The following SLC2A9 variants were observed in gnomAD, a reference collection of about 807,000 sequenced individuals.
The protein encoded by SLC2A9 is solute carrier family 2, facilitated glucose transporter member 9.
Under a neutral mutation model 50.6 loss-of-function variants are expected in SLC2A9, and 39 were observed. That is an observed-to-expected ratio of 0.77 (90% CI 0.60 to 1.01). SLC2A9 has a LOEUF of 1.01. Ranked by LOEUF, SLC2A9 falls within the 50% of genes least tolerant of loss-of-function variation. The pLI is 0.00. For missense variants in SLC2A9, 686 were observed against 677.6 expected (o/e 1.01, Z -0.14); for synonymous variants, 324 against 276.9 (o/e 1.17, Z -1.69).
At chr4:9,909,446 A>G (rs151194849) in intron 7 of SLC2A9, among the ~76,000 whole-genome samples, 9 of 152,318 alleles carry the variant, frequency 5.9e-5, no homozygotes, top group Admixed American at 1.3e-4. Flanking sequence ...GGTACCTGCC[A>G]CATGAGGTTA....
At chr4:9,973,174 C>T (rs1754195189) in intron 5 of SLC2A9, among the ~76,000 whole-genome samples, 1 of 152,128 alleles carries the variant, frequency 6.6e-6, no homozygotes, top group African/African-American at 2.4e-5. Flanking sequence ...CACTTCTAGG[C>T]ACACAAACTA....
At chr4:9,849,572 G>C (rs1422898274) in intron 10 of SLC2A9, among the ~76,000 whole-genome samples, 1 of 152,186 alleles carries the variant, frequency 6.6e-6, no homozygotes, top group Non-Finnish European at 1.5e-5. Context: ...CAATAGGCTT[G>C]AACATTACCA....
At chr4:10,032,073 A>T (rs530191678) in intron 1 of SLC2A9, among the ~76,000 whole-genome samples, 2 of 152,354 alleles carry the variant, frequency 1.3e-5, no homozygotes, top group East Asian at 3.9e-4. Context: ...TATTCTAGGC[A>T]TTATGGACCC....
chr4:9,944,190 C>T (rs960451381), intron 5 of SLC2A9, among the ~76,000 whole-genome samples: 6 of 152,094 alleles, frequency 3.9e-5, no homozygotes, highest in African/African-American at 1.4e-4. Context: ...CAGGGGATGC[C>T]GGAGATGTGG....
intron 10 of SLC2A9, among the ~76,000 whole-genome samples, chr4:9,866,124 G>A (rs1227883588): frequency 2.0e-5 from 3 of 152,256 alleles, no homozygotes; most frequent in South Asian, 2.1e-4. Flanking sequence ...TGCAGGGCCC[G>A]TTACTTATTC....
chr4:9,782,380 G>A (rs779592809), intron 3 of SLC2A9: 1 of 1,614,048 alleles, frequency 6.2e-7, no homozygotes, highest in East Asian at 2.2e-5. Context: ...ACGTCTGGGT[G>A]GCCTTCGACA....
chr4:9,851,540 C>T (rs748748889), intron 10 of SLC2A9, among the ~76,000 whole-genome samples: 5 of 152,156 alleles, frequency 3.3e-5, no homozygotes, highest in Non-Finnish European at 7.3e-5. Context: ...TCCAAATGAC[C>T]ACACTAATTC....
rs140995816 is a variant in SLC2A9, at chr4:9,791,333, A to G, written n.386-11268T>C. ...AGAGCTAATCCATGCCTGTTACACC[A>G]TTTAATGCTAGGTGTATGGAAGCAG... On this transcript the variant is annotated intron_variant and non_coding_transcript_variant, in intron 3 of 3. Transcript: ENST00000503803. Among the ~76,000 whole-genome samples the G allele has an allele frequency of 3.8e-3, 585 of 152,370 alleles. 1 individual carries two copies. Among genetic ancestry groups the G allele is most frequent in the Middle Eastern group, 0.014 (4 of 292 alleles).
At chr4:9,866,706 C>T (rs1732536089) in intron 10 of SLC2A9, among the ~76,000 whole-genome samples, 1 of 152,178 alleles carries the variant, frequency 6.6e-6, no homozygotes, top group Non-Finnish European at 1.5e-5. Flanking sequence ...AAAGCAGTGG[C>T]AGCCAGCACC....
At chr4:9,771,634 A>G (rs1716833237) in intron 1 of SLC2A9, among the ~76,000 whole-genome samples, 1 of 152,230 alleles carries the variant, frequency 6.6e-6, no homozygotes, top group Admixed American at 6.5e-5. Flanking sequence ...CTTCACCTTG[A>G]GTGGTTTGCA....
chr4:9,779,606 G>T (rs13143667), downstream of SLC2A9, among the ~76,000 whole-genome samples: 68,786 of 151,576 alleles, frequency 0.45, 19,497 homozygotes, highest in Non-Finnish European at 0.64. Flanking sequence ...AGTAGAGAGG[G>T]AGTTTCACCA....
chr4:10,037,096 T>A (rs1222411190), intron 1 of SLC2A9, among the ~76,000 whole-genome samples: 1 of 152,258 alleles, frequency 6.6e-6, no homozygotes, highest in Non-Finnish European at 1.5e-5. Context: ...TTCTTTTTAA[T>A]AGCCTTGTTG....
chr4:10,023,858 G>T (rs1449888914), upstream of SLC2A9, among the ~76,000 whole-genome samples: 1 of 152,210 alleles, frequency 6.6e-6, no homozygotes, highest in Non-Finnish European at 1.5e-5. Context: ...GCGAGGGCTG[G>T]TTCCCCATTC....
downstream of SLC2A9, among the ~76,000 whole-genome samples, chr4:9,778,646 G>A (rs778324618): frequency 1.8e-4 from 28 of 151,878 alleles, no homozygotes; most frequent in African/African-American, 5.8e-4. Context: ...TCCCTCCTCC[G>A]GCTTTTCAGG....
At chr4:9,856,837 A>C (rs1730801220) in intron 10 of SLC2A9, among the ~76,000 whole-genome samples, 1 of 152,214 alleles carries the variant, frequency 6.6e-6, no homozygotes, top group Non-Finnish European at 1.5e-5. Context: ...GCTGGAGGCC[A>C]TTATCCTAAG....
intron 10 of SLC2A9, among the ~76,000 whole-genome samples, chr4:9,851,910 A>G (rs571482933): frequency 4.6e-5 from 7 of 152,372 alleles, no homozygotes; most frequent in East Asian, 1.9e-4. Flanking sequence ...TCTCTGAGCA[A>G]TATGAGATTA....
chr4:10,006,929 T>C (rs1223064501), intron 2 of SLC2A9, among the ~76,000 whole-genome samples: 1 of 151,848 alleles, frequency 6.6e-6, no homozygotes, highest in Non-Finnish European at 1.5e-5. Context: ...CTAATGAGTT[T>C]CCTTGTTAGA....
At chr4:9,953,831 T>C (rs915290267) in intron 5 of SLC2A9, among the ~76,000 whole-genome samples, 1 of 152,190 alleles carries the variant, frequency 6.6e-6, no homozygotes, top group African/African-American at 2.4e-5. Context: ...TTGTTTGAGA[T>C]GGAGTTTTGC....
intron 10 of SLC2A9, among the ~76,000 whole-genome samples, chr4:9,870,606 C>T (rs774577312): frequency 2.6e-5 from 4 of 152,216 alleles, no homozygotes; most frequent in Admixed American, 6.5e-5. Context: ...GCCACGTTTT[C>T]GCATTCAAGT....
Sources: allele counts gnomAD v4.1 joint callset (sites outside exome capture counted in the v4.1 genomes callset), GRCh38; gene constraint gnomAD v4.1.1; transcripts MANE v1.5; gene names NCBI Gene and HGNC (gene_info 2026-07-23, HGNC 2026-07-21).